CDH13: variants seen among roughly 807,000 people sequenced by gnomAD.
CDH13 encodes cadherin-13.
In CDH13, 24 loss-of-function variants were observed where a neutral mutation model predicts 63.8. The observed-to-expected ratio is 0.38, with a 90% CI of 0.27 to 0.53. CDH13 has a LOEUF of 0.53. CDH13 is among the 20% of genes least tolerant of loss of function. CDH13 has a pLI of 0.85. For missense variants in CDH13, 1,049 were observed against 903.1 expected, an observed-to-expected ratio of 1.16 and a Z score of -2.07; for synonymous variants, 503 against 355.3, an observed-to-expected ratio of 1.42 and a Z score of -4.67.
At chr16:82,678,439 C>G (rs1914183371) in intron 1 of CDH13, among the ~76,000 whole-genome samples, 1 of 151,040 alleles carries the variant, frequency 6.6e-6, no homozygotes. Context: ...CTAGAATGTT[C>G]ACTTCTTAAG....
At chr16:83,214,448 C>T (rs951158284) in intron 4 of CDH13, among the ~76,000 whole-genome samples, 3 of 151,550 alleles carry the variant, frequency 2.0e-5, no homozygotes, top group African/African-American at 4.8e-5. Flanking sequence ...GGCATGGTGG[C>T]GTGTGCCTGT....
rs111610505 is a variant in CDH13, at chr16:83,125,518, G to A, written c.483+17G>A. On this transcript the variant is annotated intron_variant, in intron 4 of 13. Transcript: ENST00000567109. ...GTTGGCAAGGTAAGTCAGACAAACA[G>A]CAAATGACAAAAACATGTTTTTATG... 2.3e-6 allele frequency: 3 copies of A among 1,313,388 alleles called. No individual in the cohort carries two copies. Among genetic ancestry groups the A allele is most frequent in the African/African-American group, 2.9e-5 (2 of 69,070 alleles). The allele number at this position is 1,313,388 out of a possible 1,614,324, so 81.4% of individuals were successfully genotyped here.
chr16:82,908,090 C>T (rs1007701515), intron 2 of CDH13, among the ~76,000 whole-genome samples: 17 of 151,884 alleles, frequency 1.1e-4, no homozygotes, highest in South Asian at 4.2e-4. Context: ...TTTTATTGGA[C>T]CACACTATCC....
chr16:83,792,433 T>G lies in CDH13; in HGVS notation c.2135-2590T>G, dbSNP rs1253881877. 2.6e-5 allele frequency among the ~76,000 whole-genome samples: 4 copies of G among 152,378 alleles called. No homozygotes were observed. In the East Asian group the frequency reaches 7.7e-4, roughly 29 times the overall value. On this transcript the variant is annotated intron_variant, in intron 13 of 13. Coordinates refer to ENST00000567109, the MANE Select transcript of CDH13 (RefSeq NM_001257.5). The stretch of plus-strand genomic sequence containing the variant: ...TTGAAAACAAGAGATTGGAGCCTAT[T>G]TAGTGGATTTTATGCAGCCAAAGAT...
chr16:83,549,093 C>G (rs904704442), intron 7 of CDH13, among the ~76,000 whole-genome samples: 9 of 152,146 alleles, frequency 5.9e-5, no homozygotes, highest in South Asian at 2.1e-4. Context: ...CAGGAAGAGA[C>G]CCAGGTGACC....
intron 7 of CDH13, among the ~76,000 whole-genome samples, chr16:83,581,091 T>C (rs999592551): frequency 3.3e-5 from 5 of 152,226 alleles, no homozygotes; most frequent in Admixed American, 6.5e-5. Context: ...ATAATGAAAG[T>C]TGGGCAGATT....
At chr16:83,697,886 G>C (rs918506150) in intron 10 of CDH13, among the ~76,000 whole-genome samples, 2 of 152,188 alleles carry the variant, frequency 1.3e-5, no homozygotes, top group African/African-American at 2.4e-5. Flanking sequence ...GCCTCAAGTG[G>C]TCTGCCCCGC....
intron 4 of CDH13, among the ~76,000 whole-genome samples, chr16:83,163,533 AC>A (rs2037536954): frequency 1.3e-5 from 2 of 151,978 alleles, no homozygotes; most frequent in Non-Finnish European, 2.9e-5. Flanking sequence ...ATTGGCACTC[AC>A]CCATGTCCAG....
At chr16:82,847,851 T>A (rs2039327637) in intron 1 of CDH13, among the ~76,000 whole-genome samples, 2 of 152,212 alleles carry the variant, frequency 1.3e-5, no homozygotes, top group South Asian at 4.1e-4. Context: ...GTTTTGGCTT[T>A]TTGCCCCATG....
intron 1 of CDH13, among the ~76,000 whole-genome samples, chr16:82,808,762 A>G (rs1326768220): frequency 6.6e-6 from 1 of 152,162 alleles, no homozygotes; most frequent in Non-Finnish European, 1.5e-5. Flanking sequence ...TGAGGCACAA[A>G]GGGGTTAAGC....
chr16:83,568,692 A>C (rs1904314521), intron 7 of CDH13, among the ~76,000 whole-genome samples: 1 of 152,170 alleles, frequency 6.6e-6, no homozygotes, highest in Non-Finnish European at 1.5e-5. Context: ...AATTGCTTGC[A>C]TTCTGCTAAC....
chr16:83,083,600 C>T (rs1438889721), intron 3 of CDH13, among the ~76,000 whole-genome samples: 1 of 152,208 alleles, frequency 6.6e-6, no homozygotes, highest in African/African-American at 2.4e-5. Flanking sequence ...GTACTCTATG[C>T]TGCCTTCCAA....
intron 10 of CDH13, among the ~76,000 whole-genome samples, chr16:83,691,234 A>G (rs991446367): frequency 6.6e-6 from 1 of 152,144 alleles, no homozygotes; most frequent in African/African-American, 2.4e-5. Context: ...TGGCAAAGTA[A>G]CTTGTGGGAG....
chr16:83,236,551 C>T (rs919274538), intron 5 of CDH13, among the ~76,000 whole-genome samples: 1 of 152,024 alleles, frequency 6.6e-6, no homozygotes, highest in Non-Finnish European at 1.5e-5. Flanking sequence ...TGATGGATGC[C>T]AATGTGCCTT....
chr16:83,576,541 T>C (rs1905098043), intron 7 of CDH13, among the ~76,000 whole-genome samples: 1 of 152,232 alleles, frequency 6.6e-6, no homozygotes, highest in Non-Finnish European at 1.5e-5. Context: ...TAGCTCTATG[T>C]TTAACTTTTT....
At chr16:83,073,500 C>G (rs2032604565) in intron 3 of CDH13, among the ~76,000 whole-genome samples, 1 of 152,088 alleles carries the variant, frequency 6.6e-6, no homozygotes, top group Non-Finnish European at 1.5e-5. Flanking sequence ...GTTAGGCAGG[C>G]ATTCACACAC....
intron 5 of CDH13, among the ~76,000 whole-genome samples, chr16:83,277,027 C>A (rs2089011721): frequency 6.6e-6 from 1 of 152,020 alleles, no homozygotes; most frequent in African/African-American, 2.4e-5. Context: ...ATACAATTAC[C>A]CCCCACCAGG....
chr16:82,691,109 T>C (rs1000058222), intron 1 of CDH13, among the ~76,000 whole-genome samples: 5 of 152,202 alleles, frequency 3.3e-5, no homozygotes, highest in Non-Finnish European at 7.3e-5. Context: ...TACCAGGCGC[T>C]GCACTGGACT....
rs527821972 is a variant in CDH13, at chr16:83,242,524, C to T, written c.636+25027C>T. ...GATGTGTTTGGAGAGGGTGGAATGGCTGTCAGAATGGGCTGGGCTTATAGG... is the reference window on the plus strand; with the variant it reads ...GATGTGTTTGGAGAGGGTGGAATGGTTGTCAGAATGGGCTGGGCTTATAGG... On this transcript the variant is annotated intron_variant, in intron 5 of 13. Transcript: ENST00000567109. 8.3e-4 allele frequency among the ~76,000 whole-genome samples: 127 copies of T among 152,256 alleles called. 1 individual carries two copies. The highest frequency in any genetic ancestry group is 2.9e-3 in the African/African-American group (119 of 41,546).
Sources: gnomAD v4.1 joint callset for allele counts (sites outside exome capture counted in the v4.1 genomes callset) on GRCh38, gnomAD v4.1.1 for gene constraint, MANE v1.5 for transcripts, NCBI Gene and HGNC (gene_info 2026-07-23, HGNC 2026-07-21) for gene names.